The following CNOT3 variants were observed in gnomAD, a reference collection of about 807,000 sequenced individuals.
CNOT3 encodes CCR4-associated factor 3.
A neutral mutation model predicts 89.4 loss-of-function variants in CNOT3; 2 were observed. The observed-to-expected ratio is 0.02, with a 90% confidence interval of 0.01 to 0.07. CNOT3 has a LOEUF of 0.07. Among genes scored for constraint, CNOT3 ranks in the 10% least tolerant of loss-of-function variants. The pLI is 1.00. For missense variants in CNOT3, 664 were observed against 1,010.2 expected (o/e 0.66, Z 4.65); for synonymous variants, 486 against 402.0 (o/e 1.21, Z -2.50).
intron 12 of CNOT3, 106 bp from the exon 13 acceptor site, chr19:54,149,454 A>T: frequency 1.6e-6 from 1 of 625,354 alleles, no homozygotes; most frequent in Non-Finnish European, 2.6e-6. Context: ...CCCCTCTCAG[A>T]TCCCATCTGA....
At position 54,143,477 on chromosome 19, in the gene CNOT3, G is replaced by A; in HGVS notation, c.129G>A (p.Lys43=). ...HNAANANQKE[K]YEADLKKEIK... ...CAGCCAACGCGAACCAGAAAGAAAA[G>A]TATGAGGCTGACCTAAAGAAGGAGA... Residue 43 remains lysine, a synonymous_variant, in exon 4 of 18, where the codon AAG becomes AAA. Transcript: ENST00000221232. The A allele has an allele frequency of 3.1e-6, 5 of 1,614,034 alleles. No individual in the cohort carries two copies. The highest frequency in any genetic ancestry group is 3.4e-6 in the Non-Finnish European group (4 of 1,180,018).
chr19:54,145,937 C>T lies in CNOT3; in HGVS notation c.731C>T (p.Pro244Leu). The T allele has an allele frequency of 5.0e-6, 8 of 1,613,956 alleles. No individual in the cohort carries two copies. Among genetic ancestry groups the T allele is most frequent in the Non-Finnish European group, 5.9e-6 (7 of 1,179,996 alleles). ...IPQALVATSP[P>L]SHSHMEDEIF... ...CAGGCGCTGGTCGCCACCTCCCCCC[C>T]CAGCCACAGCCACATGGAGGATGAG... Residue 244 changes from proline to leucine, a missense_variant, in exon 9 of 18, where the codon CCC (proline) becomes CTC (leucine). Physicochemically the swap from Pro to Leu is moderately conservative, Grantham distance 98. This residue lies in a region of CNOT3 where 545 missense variants were observed against 566.2 expected (regional missense o/e 0.96). Transcript: ENST00000221232. The surrounding 1 kb of genome is among the most constrained non-coding windows in gnomAD (Gnocchi z 5.9).
rs552504817 is a variant in CNOT3 at position 54,153,029 on chromosome 19, G to GC, written c.2037+36dup. ...AGCAGGGCCCCCGGGGCAGCCTCGG[G>GC]CCCCCCGGCTTCGCCGCCACCGCCG... On this transcript the variant is annotated intron_variant, in intron 16 of 17. Coordinates refer to ENST00000221232, the MANE Select transcript of CNOT3 (RefSeq NM_014516.4). 5.3e-3 allele frequency: 8,346 copies of GC among 1,588,306 alleles called. 84 individuals are homozygous for GC. Among genetic ancestry groups the GC allele is most frequent in the South Asian group, 0.034 (3,032 of 88,958 alleles).
chr19:54,149,626 A>G lies in CNOT3; in HGVS notation c.1473A>G (p.Ser491=), dbSNP rs34420007. ...TGGCCCCAGGCTCAGGGAACAACTC[A>G]GGGGGACCCAGCCTCCTGGTGCCAC... The part of the protein sequence containing the change: ...GGVAPGSGNN[S]GGPSLLVPLP... Residue 491 remains serine (S), a synonymous_variant, in exon 13 of 18, where the codon TCA becomes TCG. Coordinates refer to ENST00000221232, the MANE Select transcript of CNOT3 (RefSeq NM_014516.4). The G allele has an allele frequency of 5.6e-5, 90 of 1,613,610 alleles. No individual in the cohort carries two copies. The African/African-American group carries it at 9.9e-4, about 18-fold the overall frequency.
At chr19:54,150,717 A>T (rs2075044638) in intron 13 of CNOT3, among the ~76,000 whole-genome samples, 1 of 149,714 alleles carries the variant, frequency 6.7e-6, no homozygotes, top group African/African-American at 2.5e-5. Flanking sequence ...CCTACTATGT[A>T]GGGTTATTTG....
Position 54,152,557 on chromosome 19 carries a change from T to A in CNOT3, c.1835T>A (p.Leu612His). The A allele has an allele frequency of 1.2e-6, 2 of 1,614,092 alleles. No homozygotes were observed. The highest frequency in any genetic ancestry group is 1.7e-6 in the Non-Finnish European group (2 of 1,179,996). Residue 612 changes from leucine (L) to histidine (H), a missense_variant, in exon 15 of 18, where the codon CTC (leucine) becomes CAC (histidine). Leu to His is a moderately conservative substitution (Grantham distance 99). Transcript: ENST00000221232. ...CCTGTGCCCCTCACCAAGGAGCAGC[T>A]CTATCAGCAGGCCATGGAAGAGGCC... Reference protein sequence around the residue: ...LGPVPLTKEQLYQQAMEEAAW... With the variant: ...LGPVPLTKEQHYQQAMEEAAW...
chr19:54,141,466 A>G (rs1306959847), intron 1 of CNOT3: 1 of 152,198 alleles, frequency 6.6e-6, no homozygotes. Context: ...TATCCGTCCC[A>G]TATGGTTGCT....
intron 13 of CNOT3, among the ~76,000 whole-genome samples, chr19:54,151,516 C>T (rs1024260780): frequency 2.6e-5 from 4 of 152,034 alleles, no homozygotes; most frequent in East Asian, 1.9e-4. Flanking sequence ...CCTGCCTGGG[C>T]GATATAGCGA....
chr19:54,143,955 C>G (rs753041329), intron 5 of CNOT3, 51 bp from the exon 6 acceptor site: 11 of 1,579,312 alleles, frequency 7.0e-6, no homozygotes, highest in Non-Finnish European at 8.6e-6. Flanking sequence ...GGCCCTTAGT[C>G]AGCTCCTTTC....
rs1568652581 is a variant in CNOT3 at position 54,148,457 on chromosome 19, GGCAGCGGAGGCGGAGGGAGCAGCA to G, written c.1209_1232del (p.Gly404_Ser411del). The G allele has an allele frequency of 6.4e-7, 1 of 1,563,798 alleles. No individual in the cohort carries two copies. Among genetic ancestry groups the G allele is most frequent in the African/African-American group, 1.4e-5 (1 of 73,954 alleles). ...CCAGCCTAGCGGAGGCGGAGGCGGC[GGCAGCGGAGGCGGAGGGAGCAGCA>G]GCAGTAGTAACAGCAGTGCCGGTGG... On this transcript the variant is annotated inframe_deletion, in exon 11 of 18. Coordinates refer to ENST00000221232, the MANE Select transcript of CNOT3 (RefSeq NM_014516.4). This position sits in a 1 kb window ranked among gnomAD's most constrained non-coding sequence, Gnocchi z 6.3.
Position 54,149,744 on chromosome 19 carries a change from GC to G in CNOT3, c.1595del (p.Pro532GlnfsTer9). ...CAATGGGCCTCCACAGTTCAGCACC[GC>G]CCCAGAAATCAAGGTGGGCTCCTCG... Reference protein sequence around the residue: ...LLNGPPQFSTAPEIKAPEPLS... With the variant: ...LLNGPPQFSTXPEIKAPEPLS... On this transcript the variant is annotated frameshift_variant, in exon 13 of 18. Coordinates refer to ENST00000221232, the MANE Select transcript of CNOT3 (RefSeq NM_014516.4). LOFTEE classifies it high-confidence loss of function. 1 of 1,607,826 alleles carries G rather than the reference GC, an allele frequency of 6.2e-7. No individual in the cohort carries two copies. The highest frequency in any genetic ancestry group is 8.5e-7 in the Non-Finnish European group (1 of 1,176,388).
rs754659364 is a variant in CNOT3 at position 54,146,056 on chromosome 19, G to A, written c.837+13G>A. 5.0e-5 allele frequency: 80 copies of A among 1,595,464 alleles called. No individual in the cohort carries two copies. Among genetic ancestry groups the A allele is most frequent in the Middle Eastern group, 1.7e-4 (1 of 6,010 alleles). ...CAACTGTACCACGGTGAGGCCCCAC[G>A]GGACACTAGTACCTTGTGTTTCCAG... On this transcript the variant is annotated intron_variant, in intron 9 of 17. Coordinates refer to ENST00000221232, the MANE Select transcript of CNOT3 (RefSeq NM_014516.4).
Position 54,137,798 on chromosome 19 carries a change from T to TA in CNOT3, c.-246_-245insA, listed in dbSNP as rs2074275798. 2.0e-5 allele frequency: 3 copies of TA among 151,674 alleles called. No individual in the cohort carries two copies. 9.4% of individuals were successfully genotyped at this position (151,674 alleles called of 1,614,324 possible). On this transcript the variant is annotated 5_prime_UTR_variant, in exon 1 of 18. Coordinates refer to ENST00000221232, the MANE Select transcript of CNOT3 (RefSeq NM_014516.4). Reference sequence around the variant, plus strand: ...GGCCCGGTCAGCTTCCGCGGAGCCATCGGCAGACGCCGCGGCCTCCCTTGA... The same window carrying TA: ...GGCCCGGTCAGCTTCCGCGGAGCCATACGGCAGACGCCGCGGCCTCCCTTGA...
chr19:54,143,835 C>T, intron 5 of CNOT3, 86 bp downstream of exon 5: 1 of 1,479,254 alleles, frequency 6.8e-7, no homozygotes, highest in Non-Finnish European at 9.3e-7. Flanking sequence ...AGCGGCCAGA[C>T]CCCAGAGGTC....
chr19:54,141,526 T>G (rs1384172213), intron 1 of CNOT3: 2 of 152,170 alleles, frequency 1.3e-5, no homozygotes, highest in Non-Finnish European at 2.9e-5. Flanking sequence ...AAAATTCAGT[T>G]CCTCCATTAC....
rs587665897 is a variant in CNOT3, at chr19:54,138,811, T to A, written c.-51+818T>A. ...CATCCCGCTGCACTGGGCGCCTGCC[T>A]TTTTGGGGGAGTTTGGCTTTCCCCC... On this transcript the variant is annotated intron_variant, in intron 1 of 17. Coordinates refer to ENST00000221232, the MANE Select transcript of CNOT3 (RefSeq NM_014516.4). Among the ~76,000 whole-genome samples, 1,077 of 152,348 alleles carry A rather than the reference T, an allele frequency of 7.1e-3. 10 individuals are homozygous for A. Among genetic ancestry groups the A allele is most frequent in the African/African-American group, 0.024 (1,007 of 41,588 alleles).
intron 1 of CNOT3, chr19:54,141,263 A>T (rs1342801455): frequency 1.3e-5 from 2 of 152,224 alleles, no homozygotes; most frequent in African/African-American, 4.8e-5. Flanking sequence ...GTAGGGCGTG[A>T]TAGCTGACCT....
chr19:54,137,764 C>T lies in CNOT3; in HGVS notation c.-280C>T, dbSNP rs2074273588. 2 of 152,218 alleles carry T rather than the reference C, an allele frequency of 1.3e-5. No individual in the cohort carries two copies. Among genetic ancestry groups the T allele is most frequent in the African/African-American group, 2.4e-5 (1 of 41,436 alleles). The allele number at this position is 152,218 out of a possible 1,614,324, so 9.4% of individuals were successfully genotyped here. ...GGGAGGCCTCCTCCGCCGCCGCCAT[C>T]TTGGACCGGGCCCGGTCAGCTTCCG... On this transcript the variant is annotated 5_prime_UTR_variant, in exon 1 of 18. Coordinates refer to ENST00000221232, the MANE Select transcript of CNOT3 (RefSeq NM_014516.4).
chr19:54,147,860 C>T (rs587713684), intron 10 of CNOT3, among the ~76,000 whole-genome samples: 1 of 152,330 alleles, frequency 6.6e-6, no homozygotes, highest in Non-Finnish European at 1.5e-5. Flanking sequence ...CTCTGGCTGA[C>T]AACCTAAGTT....
Sources: allele counts gnomAD v4.1 joint callset (sites outside exome capture counted in the v4.1 genomes callset), GRCh38; gene constraint gnomAD v4.1.1; regional missense constraint gnomAD v4.1.1; non-coding constraint Gnocchi (gnomAD v3.1); transcripts MANE v1.5; gene names NCBI Gene and HGNC (gene_info 2026-07-23, HGNC 2026-07-21).